The following ENPP6 variants were observed in gnomAD, a reference collection of about 807,000 sequenced individuals.
The protein encoded by ENPP6 is glycerophosphocholine cholinephosphodiesterase ENPP6.
A neutral mutation model predicts 42.0 loss-of-function variants in ENPP6; 32 were observed. The observed-to-expected ratio is 0.76, with a 90% CI of 0.58 to 1.02. The LOEUF (loss-of-function observed/expected upper bound fraction) is 1.02, where lower values mean the gene tolerates loss of function less well. ENPP6 is among the 50% of genes least tolerant of loss of function. The probability of loss-of-function intolerance (pLI) is 0.00; values close to 1 mark genes in which losing one functional copy is unlikely to be tolerated. For missense variants in ENPP6, 552 were observed against 566.8 expected, an observed-to-expected ratio of 0.97 and a Z score of 0.27; for synonymous variants, 213 against 216.0, an observed-to-expected ratio of 0.99 and a Z score of 0.12.
intron 1 of ENPP6, among the ~76,000 whole-genome samples, chr4:184,168,608 G>A (rs962865189): frequency 5.9e-5 from 9 of 152,230 alleles, no homozygotes; most frequent in Non-Finnish European, 1.3e-4. Context: ...CTCTGCTGGC[G>A]GCTGCGGTCT....
intron 2 of ENPP6, among the ~76,000 whole-genome samples, chr4:184,129,535 G>C (rs1008066376): frequency 1.3e-5 from 2 of 152,154 alleles, no homozygotes; most frequent in Non-Finnish European, 2.9e-5. Context: ...TACCCATTGA[G>C]ACTAAGGTTG....
intron 2 of ENPP6, among the ~76,000 whole-genome samples, chr4:184,138,529 C>T (rs542132505): frequency 3.9e-5 from 6 of 152,134 alleles, no homozygotes; most frequent in African/African-American, 7.2e-5. Flanking sequence ...ATTTATATAC[C>T]ATGTCAATGC....
intron 2 of ENPP6, among the ~76,000 whole-genome samples, chr4:184,132,788 TAC>T (rs961762746): frequency 1.1e-4 from 17 of 149,854 alleles, no homozygotes; most frequent in African/African-American, 2.2e-4. Context: ...TATACATATA[TAC>T]ACACATATAT....
chr4:184,135,820 TC>T (rs2081644140), intron 2 of ENPP6, among the ~76,000 whole-genome samples: 1 of 152,210 alleles, frequency 6.6e-6, no homozygotes, highest in South Asian at 2.1e-4. Flanking sequence ...TCATCACTGT[TC>T]ACCCAAGGGT....
intron 1 of ENPP6, among the ~76,000 whole-genome samples, chr4:184,215,133 G>A (rs1165422029): frequency 6.6e-6 from 1 of 152,120 alleles, no homozygotes; most frequent in Non-Finnish European, 1.5e-5. Flanking sequence ...AGTTCTCCCA[G>A]CTCAAGGGCC....
At chr4:184,168,334 T>G (rs924160923) in intron 1 of ENPP6, among the ~76,000 whole-genome samples, 10 of 152,206 alleles carry the variant, frequency 6.6e-5, no homozygotes, top group Non-Finnish European at 5.9e-5. Flanking sequence ...AGGCCACTTT[T>G]AAAAATGGCA....
intron 1 of ENPP6, among the ~76,000 whole-genome samples, chr4:184,196,828 G>T (rs1296527446): frequency 6.6e-6 from 1 of 152,136 alleles, no homozygotes; most frequent in Admixed American, 6.5e-5. Flanking sequence ...ATCCCAACAG[G>T]CGTCTCACAA....
intron 6 of ENPP6, 83 bp downstream of exon 6, chr4:184,112,589 A>C (rs996435535): frequency 1.3e-6 from 2 of 1,493,312 alleles, no homozygotes; most frequent in Non-Finnish European, 1.8e-6. Flanking sequence ...TTTATGTATA[A>C]AAACTTGAGT....
At chr4:184,097,976 C>T (rs1223133060) in intron 6 of ENPP6, among the ~76,000 whole-genome samples, 1 of 152,202 alleles carries the variant, frequency 6.6e-6, no homozygotes, top group Non-Finnish European at 1.5e-5. Context: ...GATGAAGCCC[C>T]ACGTGAAGCC....
chr4:184,161,830 A>G (rs1041742812), intron 1 of ENPP6, among the ~76,000 whole-genome samples: 15 of 150,508 alleles, frequency 1.0e-4, no homozygotes, highest in Admixed American at 9.2e-4. Context: ...GAACTAATCT[A>G]TGAGGATGCA....
intron 1 of ENPP6, among the ~76,000 whole-genome samples, chr4:184,191,048 T>C (rs1299778209): frequency 6.6e-6 from 1 of 152,232 alleles, no homozygotes; most frequent in Non-Finnish European, 1.5e-5. Context: ...GGTGTCTATG[T>C]GTGCAGGCGT....
At chr4:184,213,293 T>C (rs1733145781) in intron 1 of ENPP6, among the ~76,000 whole-genome samples, 1 of 151,022 alleles carries the variant, frequency 6.6e-6, no homozygotes, top group Admixed American at 6.6e-5. Context: ...ACCATCAGAG[T>C]GAACAGGCAA....
intron 1 of ENPP6, among the ~76,000 whole-genome samples, chr4:184,174,351 C>A (rs1449287400): frequency 6.6e-6 from 1 of 151,922 alleles, no homozygotes; most frequent in East Asian, 1.9e-4. Flanking sequence ...TAAGTGGGGG[C>A]ATCAGTGAAC....
intron 1 of ENPP6, among the ~76,000 whole-genome samples, chr4:184,209,890 G>A (rs1185017952): frequency 7.5e-4 from 102 of 135,654 alleles, no homozygotes; most frequent in Middle Eastern, 7.0e-3. Flanking sequence ...TGGATCTCTC[G>A]GCAGAAACCC....
intron 1 of ENPP6, among the ~76,000 whole-genome samples, chr4:184,206,813 A>G (rs1328530848): frequency 6.6e-6 from 1 of 152,192 alleles, no homozygotes; most frequent in Non-Finnish European, 1.5e-5. Flanking sequence ...CTGAGTAGTT[A>G]ACATCCCTGT....
chr4:184,175,796 G>A (rs953491215), intron 1 of ENPP6, among the ~76,000 whole-genome samples: 1 of 152,180 alleles, frequency 6.6e-6, no homozygotes, highest in Admixed American at 6.5e-5. Context: ...GGCCATTAGA[G>A]GACCTGGCCA....
intron 3 of ENPP6, among the ~76,000 whole-genome samples, chr4:184,119,677 T>C: frequency 6.6e-6 from 1 of 152,112 alleles, no homozygotes; most frequent in East Asian, 1.9e-4. Flanking sequence ...GAATTGTAGC[T>C]CCCATAGTCC....
intron 1 of ENPP6, among the ~76,000 whole-genome samples, chr4:184,172,014 C>T (rs867046444): frequency 6.6e-5 from 10 of 151,854 alleles, no homozygotes; most frequent in Non-Finnish European, 1.0e-4. Context: ...GCTAGGCGGC[C>T]GGGAGGGTTT....
At chr4:184,115,389 T>A (rs1736296142) in intron 5 of ENPP6, among the ~76,000 whole-genome samples, 1 of 152,222 alleles carries the variant, frequency 6.6e-6, no homozygotes, top group South Asian at 2.1e-4. Flanking sequence ...AGGTGCCACT[T>A]GCTCCTCCTC....
Sources: allele counts gnomAD v4.1 joint callset (sites outside exome capture counted in the v4.1 genomes callset), GRCh38; gene constraint gnomAD v4.1.1; transcripts MANE v1.5; gene names NCBI Gene and HGNC (gene_info 2026-07-23, HGNC 2026-07-21).